The following CHERP variants were observed in gnomAD, a reference collection of about 807,000 sequenced individuals.
CHERP encodes ERPROT 213-21.
CHERP carries 8 observed loss-of-function variants against 113.8 expected under a neutral mutation model. That is an observed-to-expected ratio of 0.07 (90% CI 0.04 to 0.13). The LOEUF is 0.13. Among genes scored for constraint, CHERP ranks in the 10% least tolerant of loss-of-function variants. The probability of loss-of-function intolerance (pLI) is 1.00; values close to 1 mark genes in which losing one functional copy is unlikely to be tolerated. For synonymous variants in CHERP, 559 were observed against 524.5 expected (o/e 1.07, Z -0.90); for missense variants, 884 against 1,298.2 (o/e 0.68, Z 4.90).
rs781515599 is a variant in CHERP at position 16,542,419 on chromosome 19, G to T, written c.-41C>A. 3.8e-6 allele frequency: 5 copies of T among 1,331,990 alleles called. No individual in the cohort carries two copies. Among genetic ancestry groups the T allele is most frequent in the Non-Finnish European group, 4.8e-6 (5 of 1,033,826 alleles). The allele number at this position is 1,331,990 out of a possible 1,614,324, so 82.5% of individuals were successfully genotyped here. On this transcript the variant is annotated 5_prime_UTR_variant, in exon 1 of 17. Coordinates refer to ENST00000546361, the MANE Select transcript of CHERP (RefSeq NM_006387.6). ...GAACGTCCTCCGGCGCCACACGATCGACCACCAGCGCCGTCTGCGGAAGCC... is the reference window on the plus strand; with the variant it reads ...GAACGTCCTCCGGCGCCACACGATCTACCACCAGCGCCGTCTGCGGAAGCC...
At position 16,532,259 on chromosome 19, in the gene CHERP, G is replaced by C. The variant is rs2085710839; in HGVS notation, c.674+339C>G. 2 of 262,352 alleles carry C rather than the reference G, an allele frequency of 7.6e-6. No homozygotes were observed. Among genetic ancestry groups the C allele is most frequent in the Non-Finnish European group, 1.5e-5 (2 of 135,594 alleles). 16.3% of individuals were successfully genotyped at this position (262,352 alleles called of 1,614,324 possible). Reference sequence around the variant, plus strand: ...CAGACACAGAGGCCAAGGAGGCCGTGGCTGAGAAGGCAACAAGGAGACGCC... The same window carrying C: ...CAGACACAGAGGCCAAGGAGGCCGTCGCTGAGAAGGCAACAAGGAGACGCC... On this transcript the variant is annotated intron_variant, in intron 5 of 16. Coordinates refer to ENST00000546361, the MANE Select transcript of CHERP (RefSeq NM_006387.6). This position sits in a 1 kb window ranked among gnomAD's most constrained non-coding sequence, Gnocchi z 4.4.
intron 9 of CHERP, among the ~76,000 whole-genome samples, chr19:16,526,880 G>A (rs774353414): frequency 2.0e-5 from 3 of 152,140 alleles, no homozygotes; most frequent in Admixed American, 6.5e-5. Context: ...TCCTGCCTCA[G>A]ACCACTGTGT....
In CHERP at chr19:16,532,386, G is replaced by C; in HGVS notation, c.674+212C>G. ...GGGTCTAGGGGAGAGGACAGGGCAT[G>C]CAGCGAAGGTGCACAGGACACCTAG... is the stretch of plus-strand genomic sequence containing the variant. On this transcript the variant is annotated intron_variant, in intron 5 of 16. Transcript: ENST00000546361. The surrounding 1 kb of genome is among the most constrained non-coding windows in gnomAD (Gnocchi z 4.4). 2 of 580,734 alleles carry C rather than the reference G, an allele frequency of 3.4e-6. No individual in the cohort carries two copies. The highest frequency in any genetic ancestry group is 6.0e-6 in the Non-Finnish European group (2 of 333,580). The allele number at this position is 580,734 out of a possible 1,614,324, so 36.0% of individuals were successfully genotyped here.
chr19:16,531,486 G>T (rs962859238), intron 5 of CHERP, among the ~76,000 whole-genome samples: 2 of 152,212 alleles, frequency 1.3e-5, no homozygotes, highest in Non-Finnish European at 2.9e-5. Context: ...CCGCTGCGCA[G>T]GGAGATGGCT....
rs532201910 is a variant in CHERP at position 16,519,147 on chromosome 19, C to T, written c.*12G>A. 7.7e-5 allele frequency: 124 copies of T among 1,608,744 alleles called. No individual in the cohort carries two copies. In the East Asian group the frequency reaches 1.8e-3, roughly 23 times the overall value. ...CACCGCTGGCCACCGGCGCGGCTCCCGGCATGGGCGCCTACTTACACTCGT... is the reference window on the plus strand; with the variant it reads ...CACCGCTGGCCACCGGCGCGGCTCCTGGCATGGGCGCCTACTTACACTCGT... On this transcript the variant is annotated 3_prime_UTR_variant, in exon 17 of 17. Coordinates refer to ENST00000546361, the MANE Select transcript of CHERP (RefSeq NM_006387.6). This position sits in a 1 kb window ranked among gnomAD's most constrained non-coding sequence, Gnocchi z 6.0.
In CHERP at chr19:16,530,555, G is replaced by A. The variant is rs772684969; in HGVS notation, c.876+30C>T. ...CCTGGGGAACCCGCCCCAGCTCTAGGGTGAGGTGTGGGTGGGCAGGGACAC... is the reference window on the plus strand; with the variant it reads ...CCTGGGGAACCCGCCCCAGCTCTAGAGTGAGGTGTGGGTGGGCAGGGACAC... On this transcript the variant is annotated intron_variant, in intron 7 of 16. Coordinates refer to ENST00000546361, the MANE Select transcript of CHERP (RefSeq NM_006387.6). This position sits in a 1 kb window ranked among gnomAD's most constrained non-coding sequence, Gnocchi z 4.1. The A allele has an allele frequency of 6.2e-7, 1 of 1,603,562 alleles. No homozygotes were observed. The highest frequency in any genetic ancestry group is 8.5e-7 in the Non-Finnish European group (1 of 1,170,656).
At chr19:16,521,493 G>GC (rs1398441450) in intron 12 of CHERP, 28 bp downstream of exon 12, 1 of 1,535,932 alleles carries the variant, frequency 6.5e-7, no homozygotes, top group African/African-American at 1.4e-5. Context: ...GAGGCCTCCC[G>GC]CCCACCCCAC....
chr19:16,531,590 G>C (rs2085705196), intron 5 of CHERP, among the ~76,000 whole-genome samples: 1 of 152,262 alleles, frequency 6.6e-6, no homozygotes, highest in African/African-American at 2.4e-5. Context: ...AAGGGCCTGG[G>C]CTGGGCGAGC....
At chr19:16,531,033 T>G in intron 5 of CHERP, 153 bp from the exon 6 acceptor site, 1 of 1,266,610 alleles carries the variant, frequency 7.9e-7, no homozygotes, top group Non-Finnish European at 1.1e-6. Context: ...CCACGAGACC[T>G]GTGCTGGTGC....
In CHERP at chr19:16,520,124, C is replaced by A; in HGVS notation, c.2462+25G>T. On this transcript the variant is annotated intron_variant, in intron 15 of 16. Coordinates refer to ENST00000546361, the MANE Select transcript of CHERP (RefSeq NM_006387.6). This position sits in a 1 kb window ranked among gnomAD's most constrained non-coding sequence, Gnocchi z 4.0. Reference sequence around the variant, plus strand: ...CACCGCAGCTTCCCAGAGTTACCAGCGCAGCACTTAAGACAGGATCTTACG... The same window carrying A: ...CACCGCAGCTTCCCAGAGTTACCAGAGCAGCACTTAAGACAGGATCTTACG... 1.2e-6 allele frequency: 2 copies of A among 1,601,666 alleles called. No individual in the cohort carries two copies. The highest frequency in any genetic ancestry group is 1.3e-5 in the African/African-American group (1 of 74,780).
rs1195452429 is a variant in CHERP, at chr19:16,523,241, G to A, written c.1791C>T (p.Gly597=). ...HHPGHRMPHP[G]INEHPPWAGP... ...CAGCCCAAGGCGGGTGCTCGTTGAT[G>A]CCAGGATGAGGCATGCGGTGGCCAG... Residue 597 remains glycine (G), a synonymous_variant, in exon 11 of 17, where the codon GGC becomes GGT. Coordinates refer to ENST00000546361, the MANE Select transcript of CHERP (RefSeq NM_006387.6). This position sits in a 1 kb window ranked among gnomAD's most constrained non-coding sequence, Gnocchi z 4.0. 3 of 1,600,678 alleles carry A rather than the reference G, an allele frequency of 1.9e-6. No homozygotes were observed. The Admixed American group carries it at 5.3e-5, about 28-fold the overall frequency.
At position 16,518,703 on chromosome 19, in the gene CHERP, A is replaced by C; in HGVS notation, c.*456T>G. 5.9e-6 allele frequency: 1 copy of C among 170,078 alleles called. No homozygotes were observed. Among genetic ancestry groups the C allele is most frequent in the Non-Finnish European group, 1.2e-5 (1 of 80,700 alleles). 10.5% of individuals were successfully genotyped at this position (170,078 alleles called of 1,614,324 possible). A position where few individuals can be genotyped will look rare whatever the true frequency, so the allele number is the denominator to read the frequency against. ...CTTTGTCCCTACACAGCCGAGGGGA[A>C]GCCAGGTCAGGGCCGGTGGGTGCGG... On this transcript the variant is annotated 3_prime_UTR_variant, in exon 17 of 17. Coordinates refer to ENST00000546361, the MANE Select transcript of CHERP (RefSeq NM_006387.6).
chr19:16,530,731 C>G lies in CHERP; in HGVS notation c.786+38G>C. On this transcript the variant is annotated intron_variant, in intron 6 of 16. Transcript: ENST00000546361. This position sits in a 1 kb window ranked among gnomAD's most constrained non-coding sequence, Gnocchi z 4.1. ...GTGGGGAGGGGAAAGGCCTGTGTGTCCCGGTCTTGCCCAACCCCCGGCCCG... is the reference window on the plus strand; with the variant it reads ...GTGGGGAGGGGAAAGGCCTGTGTGTGCCGGTCTTGCCCAACCCCCGGCCCG... 5.6e-6 allele frequency: 9 copies of G among 1,613,966 alleles called. No individual in the cohort carries two copies. Among genetic ancestry groups the G allele is most frequent in the Non-Finnish European group, 7.6e-6 (9 of 1,179,938 alleles).
At position 16,532,854 on chromosome 19, in the gene CHERP, T is replaced by A; in HGVS notation, c.523-105A>T. On this transcript the variant is annotated intron_variant, in intron 4 of 16. Transcript: ENST00000546361. The surrounding 1 kb of genome is among the most constrained non-coding windows in gnomAD (Gnocchi z 4.4). ...CATCAGCTCAGGGAAGGACACACCATGAGCGTGGGGGGCACAGGGTCCCAC... is the reference window on the plus strand; with the variant it reads ...CATCAGCTCAGGGAAGGACACACCAAGAGCGTGGGGGGCACAGGGTCCCAC... 1 of 1,543,652 alleles carries A rather than the reference T, an allele frequency of 6.5e-7. No individual in the cohort carries two copies. Among genetic ancestry groups the A allele is most frequent in the Non-Finnish European group, 8.8e-7 (1 of 1,140,964 alleles).
chr19:16,529,002 TTCAG>T (rs1349472940), intron 8 of CHERP, among the ~76,000 whole-genome samples: 2 of 152,214 alleles, frequency 1.3e-5, no homozygotes, highest in Non-Finnish European at 1.5e-5. Context: ...TAAGATTTCC[TTCAG>T]TATTTCCGTG....
Position 16,532,813 on chromosome 19 carries a change from CCT to C in CHERP, c.523-66_523-65del, listed in dbSNP as rs1198015222. 4 of 1,565,014 alleles carry C rather than the reference CCT, an allele frequency of 2.6e-6. No individual in the cohort carries two copies. The highest frequency in any genetic ancestry group is 3.5e-6 in the Non-Finnish European group (4 of 1,150,664). On this transcript the variant is annotated intron_variant, in intron 4 of 16. Coordinates refer to ENST00000546361, the MANE Select transcript of CHERP (RefSeq NM_006387.6). This position sits in a 1 kb window ranked among gnomAD's most constrained non-coding sequence, Gnocchi z 4.4. ...GGCTCCCCCAGGCACCCACTGCATCCCTGAGAGCGCGTCACCATCAGCTCAGG... is the reference window on the plus strand; with the variant it reads ...GGCTCCCCCAGGCACCCACTGCATCCGAGAGCGCGTCACCATCAGCTCAGG...
At chr19:16,522,460 C>T (rs2085625383) in intron 11 of CHERP, among the ~76,000 whole-genome samples, 3 of 152,176 alleles carry the variant, frequency 2.0e-5, no homozygotes, top group Admixed American at 1.3e-4. Flanking sequence ...GGGGTTTCAC[C>T]GTGTTAGCCA....
chr19:16,532,512 C>A lies in CHERP; in HGVS notation c.674+86G>T. ...TAGTCTCGGGACAGGCCAAGCCAAG[C>A]TACCGACCGGAGCAAGCGGCCACCC... On this transcript the variant is annotated intron_variant, in intron 5 of 16. Coordinates refer to ENST00000546361, the MANE Select transcript of CHERP (RefSeq NM_006387.6). The surrounding 1 kb of genome is among the most constrained non-coding windows in gnomAD (Gnocchi z 4.4). The A allele has an allele frequency of 6.9e-7, 1 of 1,441,992 alleles. No individual in the cohort carries two copies. Among genetic ancestry groups the A allele is most frequent in the Non-Finnish European group, 9.2e-7 (1 of 1,088,918 alleles). The allele number at this position is 1,441,992 out of a possible 1,614,324, so 89.3% of individuals were successfully genotyped here.
chr19:16,540,679 C>CA (rs1242405958), intron 2 of CHERP, among the ~76,000 whole-genome samples: 5 of 150,212 alleles, frequency 3.3e-5, no homozygotes, highest in Non-Finnish European at 5.9e-5. Flanking sequence ...GGCCTCCTTT[C>CA]AAGCCTTTTC....
Sources: allele counts gnomAD v4.1 joint callset (sites outside exome capture counted in the v4.1 genomes callset), GRCh38; gene constraint gnomAD v4.1.1; non-coding constraint Gnocchi (gnomAD v3.1); transcripts MANE v1.5; gene names NCBI Gene and HGNC (gene_info 2026-07-23, HGNC 2026-07-21).